The following ABCB5 variants were observed in gnomAD, a reference collection of about 807,000 sequenced individuals.
ABCB5 encodes the protein ATP-binding cassette sub-family B member 5.
ABCB5 carries 155 observed loss-of-function variants against 144.2 expected under a neutral mutation model. The ratio of observed to expected loss-of-function variants is 1.08; its 90% confidence interval spans 0.94 to 1.23. ABCB5 has a LOEUF of 1.23. ABCB5 is among the 50% of genes most tolerant of loss of function. The pLI is 0.00. For synonymous variants in ABCB5, 610 were observed against 528.6 expected (o/e 1.15, Z -2.11); for missense variants, 1,830 against 1,520.8 (o/e 1.20, Z -3.38).
intron 15 of ABCB5, among the ~76,000 whole-genome samples, chr7:20,681,907 G>C (rs1053770373): frequency 6.6e-6 from 1 of 152,050 alleles, no homozygotes; most frequent in Non-Finnish European, 1.5e-5. Flanking sequence ...CTTCAAATAG[G>C]CTTCAAAACT....
At chr7:20,654,179 G>C (rs970656212) in intron 13 of ABCB5, among the ~76,000 whole-genome samples, 1 of 149,146 alleles carries the variant, frequency 6.7e-6, no homozygotes, top group African/African-American at 2.5e-5. Context: ...AATCAGCACT[G>C]TTTTTTTTTT....
intron 20 of ABCB5, among the ~76,000 whole-genome samples, chr7:20,707,914 C>A (rs1247761316): frequency 6.7e-6 from 1 of 150,088 alleles, no homozygotes; most frequent in Non-Finnish European, 1.5e-5. Context: ...CGCCATTCTC[C>A]TGCCTCAGCC....
At chr7:20,679,069 T>G (rs907444390) in intron 14 of ABCB5, among the ~76,000 whole-genome samples, 113 of 152,208 alleles carry the variant, frequency 7.4e-4, no homozygotes, top group African/African-American at 2.7e-3. Context: ...GGAGTAAAGA[T>G]TTCTTAAAAC....
intron 20 of ABCB5, 102 bp from the exon 21 acceptor site, chr7:20,722,913 CT>C: frequency 2.2e-6 from 2 of 912,410 alleles, no homozygotes; most frequent in South Asian, 3.5e-5. Flanking sequence ...AGTATAAATT[CT>C]TTTTTTAAAA....
chr7:20,687,951 G>A (rs1335145303), intron 16 of ABCB5, among the ~76,000 whole-genome samples: 5 of 152,106 alleles, frequency 3.3e-5, no homozygotes, highest in African/African-American at 4.8e-5. Context: ...CAGCACTTTG[G>A]GAGGCTGAGG....
At chr7:20,689,069 A>C (rs1349018055) in intron 16 of ABCB5, among the ~76,000 whole-genome samples, 1 of 152,144 alleles carries the variant, frequency 6.6e-6, no homozygotes, top group African/African-American at 2.4e-5. Flanking sequence ...ATACATATGT[A>C]ACAAACCTGC....
intron 3 of ABCB5, 35 bp from the exon 4 acceptor site, chr7:20,628,653 A>G (rs1391831054): frequency 6.3e-7 from 1 of 1,594,774 alleles, no homozygotes; most frequent in Admixed American, 1.7e-5. Flanking sequence ...TGTTTGTTTT[A>G]CAGTTGTGGT....
chr7:20,658,709 C>A lies in ABCB5; in HGVS notation c.1707+33C>A, dbSNP rs116410161. ...AGCAGAAACGTTTCTTATTTCCATACTCCTGGTTCATTATTGTTTTGAAGT... is the reference window on the plus strand; with the variant it reads ...AGCAGAAACGTTTCTTATTTCCATAATCCTGGTTCATTATTGTTTTGAAGT... On this transcript the variant is annotated intron_variant, in intron 14 of 27. Transcript: ENST00000404938. 286 of 1,604,988 alleles carry A rather than the reference C, an allele frequency of 1.8e-4. 1 individual carries two copies. The African/African-American group carries it at 3.4e-3, about 19-fold the overall frequency.
chr7:20,700,032 T>C (rs778218111), intron 18 of ABCB5, 26 bp from the exon 19 acceptor site: 2 of 1,609,630 alleles, frequency 1.2e-6, no homozygotes, highest in East Asian at 4.5e-5. Flanking sequence ...GAAAAGAACG[T>C]AGATTTTTGT....
intron 14 of ABCB5, among the ~76,000 whole-genome samples, chr7:20,671,349 A>G (rs1785454263): frequency 6.6e-6 from 1 of 152,188 alleles, no homozygotes; most frequent in African/African-American, 2.4e-5. Flanking sequence ...TTCATTGAAT[A>G]TAAGAAACTG....
chr7:20,649,815 T>G (rs1423364306), intron 11 of ABCB5, among the ~76,000 whole-genome samples: 1 of 152,260 alleles, frequency 6.6e-6, no homozygotes, highest in Non-Finnish European at 1.5e-5. Flanking sequence ...TCTCTTTACA[T>G]AGAGAGATAA....
Position 20,730,306 on chromosome 7 carries a change from TCG to T in ABCB5, c.2867+1852_2867+1853del, listed in dbSNP as rs1348244315. Among the ~76,000 whole-genome samples, 25 of 152,322 alleles carry T rather than the reference TCG, an allele frequency of 1.6e-4. No homozygotes were observed. The South Asian group carries it at 4.8e-3, about 29-fold the overall frequency. ...AGGTGGATCACCAAAGGTCAGGATT[TCG>T]AGACCAGCCTGGACAACCTGTGAAA... On this transcript the variant is annotated intron_variant, in intron 23 of 27. Coordinates refer to ENST00000404938, the MANE Select transcript of ABCB5 (RefSeq NM_001163941.2).
At chr7:20,722,933 T>TTGGGCCGGGCGCGG (rs1285655132) in intron 20 of ABCB5, 83 bp from the exon 21 acceptor site, 1 of 1,232,280 alleles carries the variant, frequency 8.1e-7, no homozygotes, top group East Asian at 2.3e-5. Flanking sequence ...AAAGTCTACC[T>TTGGGCCGGGCGCGG]TGTTTTGCAA....
intron 1 of ABCB5, among the ~76,000 whole-genome samples, chr7:20,618,729 A>G (rs1783741363): frequency 1.3e-5 from 2 of 150,506 alleles, no homozygotes; most frequent in South Asian, 2.1e-4. Flanking sequence ...TTATGTTGCT[A>G]CAAAAGATTT....
At position 20,631,098 on chromosome 7, in the gene ABCB5, G is replaced by T. The variant is rs1361173874; in HGVS notation, c.260-961G>T. Among the ~76,000 whole-genome samples, 11 of 152,120 alleles carry T rather than the reference G, an allele frequency of 7.2e-5. No homozygotes were observed. In the South Asian group the frequency reaches 2.3e-3, roughly 32 times the overall value. The stretch of plus-strand genomic sequence containing the variant: ...TATGAATAATAGCTATCATTAGTTG[G>T]GGATCCATTTTTGTGTGAGTCCTGA... On this transcript the variant is annotated intron_variant, in intron 4 of 27. Coordinates refer to ENST00000404938, the MANE Select transcript of ABCB5 (RefSeq NM_001163941.2).
At chr7:20,626,753 C>A in intron 3 of ABCB5, 142 bp downstream of exon 3, 86 of 673,908 alleles carry the variant, frequency 1.3e-4, no homozygotes, top group South Asian at 7.5e-4. Context: ...GTATGATTTT[C>A]GATAGAAAAA....
In ABCB5 at chr7:20,653,425, A is replaced by G. The variant is rs537318521; in HGVS notation, c.1536+1802A>G. On this transcript the variant is annotated intron_variant, in intron 13 of 27. Coordinates refer to ENST00000404938, the MANE Select transcript of ABCB5 (RefSeq NM_001163941.2). ...GAAAGCTATTGTAAAAAAATGTATA[A>G]CATTACTTCCCTTATAATATACACA... Among the ~76,000 whole-genome samples, 48 of 152,342 alleles carry G rather than the reference A, an allele frequency of 3.2e-4. No homozygotes were observed. The South Asian group carries it at 9.3e-3, about 30-fold the overall frequency.
chr7:20,646,771 T>C (rs919462868), intron 9 of ABCB5, among the ~76,000 whole-genome samples: 2 of 152,234 alleles, frequency 1.3e-5, no homozygotes, highest in African/African-American at 2.4e-5. Context: ...ACTTTGATCC[T>C]TGTTTGGCCT....
intron 20 of ABCB5, among the ~76,000 whole-genome samples, chr7:20,707,793 C>T (rs1478536708): frequency 7.7e-6 from 1 of 129,178 alleles, no homozygotes; most frequent in Non-Finnish European, 1.6e-5. Flanking sequence ...ACAATGGTAA[C>T]CTCATTTCTT....
Sources: gnomAD v4.1 joint callset for allele counts (sites outside exome capture counted in the v4.1 genomes callset) on GRCh38, gnomAD v4.1.1 for gene constraint, MANE v1.5 for transcripts, NCBI Gene and HGNC (gene_info 2026-07-23, HGNC 2026-07-21) for gene names.